PCDHGA7: variants seen among roughly 807,000 people sequenced by gnomAD.
PCDHGA7 encodes protocadherin gamma subfamily A, 7, also known as protocadherin gamma-A7.
A neutral mutation model predicts 58.3 loss-of-function variants in PCDHGA7; 44 were observed. The observed-to-expected ratio is 0.75, with a 90% confidence interval of 0.59 to 0.97. The LOEUF (loss-of-function observed/expected upper bound fraction) is 0.97, where lower values mean the gene tolerates loss of function less well. Ranked by LOEUF, PCDHGA7 falls within the 50% of genes least tolerant of loss-of-function variation. The probability of loss-of-function intolerance (pLI) is 0.00; values close to 1 mark genes in which losing one functional copy is unlikely to be tolerated. For synonymous variants in PCDHGA7, 516 were observed against 504.2 expected, an observed-to-expected ratio of 1.02 and a Z score of -0.31; for missense variants, 1,266 against 1,188.7, an observed-to-expected ratio of 1.06 and a Z score of -0.96.
chr5:141,415,863 G>A, intron 1 of PCDHGA7: 4 of 1,107,154 alleles, frequency 3.6e-6, no homozygotes, highest in Non-Finnish European at 4.7e-6. Flanking sequence ...GTAGTTTATA[G>A]TGTTGTTGAG....
At chr5:141,416,998 CAAAT>C (rs2096073182) in intron 1 of PCDHGA7, 1 of 150,816 alleles carries the variant, frequency 6.6e-6, no homozygotes, top group South Asian at 2.1e-4. Flanking sequence ...GCATTCATCT[CAAAT>C]AATTCTATTA....
chr5:141,391,293 A>G (rs1043661475), intron 1 of PCDHGA7: 15 of 151,834 alleles, frequency 9.9e-5, no homozygotes, highest in Admixed American at 3.3e-4. Context: ...AAAGAAGGAA[A>G]CGTCTTTCGA....
chr5:141,421,078 C>T (rs11575964), intron 1 of PCDHGA7: 20,754 of 627,892 alleles, frequency 0.033, 387 homozygotes, highest in Middle Eastern at 0.088. Context: ...GAGATGGATA[C>T]TCACAGATCC....
intron 1 of PCDHGA7, chr5:141,400,506 G>A (rs771674964): frequency 3.7e-6 from 6 of 1,613,830 alleles, no homozygotes; most frequent in Non-Finnish European, 5.1e-6. Context: ...CCAGCGAGTC[G>A]ACTTCCCATC....
chr5:141,505,182 C>T (rs1302018549), intron 2 of PCDHGA7, among the ~76,000 whole-genome samples: 2 of 152,094 alleles, frequency 1.3e-5, no homozygotes, highest in East Asian at 3.9e-4. Context: ...AAAAAAGCAT[C>T]GGAGGCAGCA....
Position 141,476,838 on chromosome 5 carries a change from C to T in PCDHGA7, c.2425-17969C>T, listed in dbSNP as rs1347278637. 2.5e-6 allele frequency: 4 copies of T among 1,613,496 alleles called. No individual in the cohort carries two copies. Among genetic ancestry groups the T allele is most frequent in the Non-Finnish European group, 3.4e-6 (4 of 1,180,054 alleles). ...AAGGTGCTGGACGCGAATGACAATG[C>T]GCCTGTCTTCAACCAGTCCTTGTAC... On this transcript the variant is annotated intron_variant, in intron 1 of 3. Transcript: ENST00000518325. This position sits in a 1 kb window ranked among gnomAD's most constrained non-coding sequence, Gnocchi z 7.6.
At chr5:141,442,629 A>G (rs959326665) in intron 1 of PCDHGA7, among the ~76,000 whole-genome samples, 2 of 152,248 alleles carry the variant, frequency 1.3e-5, no homozygotes, top group African/African-American at 4.8e-5. Context: ...TTCTAGCAGC[A>G]AGACCAAAGG....
rs1193465269 is a variant in PCDHGA7 at position 141,467,055 on chromosome 5, C to CT, written c.2425-27736dup. Among the ~76,000 whole-genome samples, 814 of 134,448 alleles carry CT rather than the reference C, an allele frequency of 6.1e-3. 10 individuals carry two copies. Among genetic ancestry groups the CT allele is most frequent in the African/African-American group, 0.018 (656 of 36,920 alleles). The allele number at this position is 134,448 out of a possible 152,430, so 88.2% of individuals were successfully genotyped here. A position where few individuals can be genotyped will look rare whatever the true frequency, so the allele number is the denominator to read the frequency against. Reference sequence around the variant, plus strand: ...TTTTTGTGTAATGAATCAATGTTTTCTTTTTTTTTTTTTTTTAGACCAAGT... The same window carrying CT: ...TTTTTGTGTAATGAATCAATGTTTTCTTTTTTTTTTTTTTTTTAGACCAAGT... On this transcript the variant is annotated intron_variant, in intron 1 of 3. Coordinates refer to ENST00000518325, the MANE Select transcript of PCDHGA7 (RefSeq NM_018920.4).
At chr5:141,451,561 C>T (rs1412657561) in intron 1 of PCDHGA7, among the ~76,000 whole-genome samples, 2 of 152,096 alleles carry the variant, frequency 1.3e-5, no homozygotes, top group Non-Finnish European at 2.9e-5. Flanking sequence ...ATGAAAGCCA[C>T]AATCTTTTTA....
In PCDHGA7 at chr5:141,421,624, A is replaced by G; in HGVS notation, c.2424+36301A>G. On this transcript the variant is annotated intron_variant, in intron 1 of 3. Transcript: ENST00000518325. ...AATAGATATTAATGATAACGCCCCC[A>G]GCTTCCAGGAGGACGAAGTGGAGAT... 2.5e-6 allele frequency: 4 copies of G among 1,613,872 alleles called. No homozygotes were observed. The South Asian group carries it at 3.3e-5, about 13-fold the overall frequency.
In PCDHGA7 at chr5:141,414,479, C is replaced by G. The variant is rs752879517; in HGVS notation, c.2424+29156C>G. The G allele has an allele frequency of 3.1e-6, 5 of 1,613,906 alleles. No homozygotes were observed. The highest frequency in any genetic ancestry group is 1.3e-5 in the African/African-American group (1 of 75,040). Reference sequence around the variant, plus strand: ...ACAGCCACAGATGGGGGAAGTCCTCCTCTATCAACGGAAGCTCACTTTATG... The same window carrying G: ...ACAGCCACAGATGGGGGAAGTCCTCGTCTATCAACGGAAGCTCACTTTATG... On this transcript the variant is annotated intron_variant, in intron 1 of 3. Coordinates refer to ENST00000518325, the MANE Select transcript of PCDHGA7 (RefSeq NM_018920.4).
At position 141,476,581 on chromosome 5, in the gene PCDHGA7, G is replaced by A. The variant is rs1393235114; in HGVS notation, c.2425-18226G>A. The A allele has an allele frequency of 5.0e-6, 8 of 1,614,230 alleles. No individual in the cohort carries two copies. The highest frequency in any genetic ancestry group is 6.8e-6 in the Non-Finnish European group (8 of 1,180,042). ...CCGTGGCTCCGGGGACGCGCTTTCC[G>A]CTCGAGAGCGCGCACGATCCCGATG... On this transcript the variant is annotated intron_variant, in intron 1 of 3. Transcript: ENST00000518325. This position sits in a 1 kb window ranked among gnomAD's most constrained non-coding sequence, Gnocchi z 7.6.
Position 141,486,682 on chromosome 5 carries a change from A to C in PCDHGA7, c.2425-8125A>C, listed in dbSNP as rs781547951. 1.4e-5 allele frequency: 22 copies of C among 1,614,064 alleles called. No individual in the cohort carries two copies. The African/African-American group carries it at 2.3e-4, about 17-fold the overall frequency. ...TGGAGCCCAGGAATCGAGATGTATC[A>C]GCTTCCTCTTTCATCTCTCTGAACC... On this transcript the variant is annotated intron_variant, in intron 1 of 3. Coordinates refer to ENST00000518325, the MANE Select transcript of PCDHGA7 (RefSeq NM_018920.4). The surrounding 1 kb of genome is among the most constrained non-coding windows in gnomAD (Gnocchi z 5.0).
chr5:141,494,491 T>C (rs2099754727), intron 1 of PCDHGA7, among the ~76,000 whole-genome samples: 1 of 152,150 alleles, frequency 6.6e-6, no homozygotes, highest in Admixed American at 6.5e-5. Context: ...AGAAGATGCC[T>C]TCAGTCCTTG....
intron 1 of PCDHGA7, chr5:141,419,910 C>A (rs539905795): frequency 1.9e-6 from 3 of 1,613,968 alleles, no homozygotes; most frequent in Non-Finnish European, 2.5e-6. Flanking sequence ...CCCTCTGACT[C>A]CCAGGCTGAG....
intron 1 of PCDHGA7, among the ~76,000 whole-genome samples, chr5:141,455,890 T>G (rs1055285369): frequency 1.3e-5 from 2 of 149,264 alleles, no homozygotes; most frequent in African/African-American, 2.4e-5. Flanking sequence ...TTTATTTATT[T>G]ATTTATTTAT....
chr5:141,419,551 C>T lies in PCDHGA7; in HGVS notation c.2424+34228C>T, dbSNP rs772468979. Reference sequence around the variant, plus strand: ...ACGACAACGCACCGCGGGTGCTGTACCCTGCGCTGGGTCCCGACGGCTCCG... The same window carrying T: ...ACGACAACGCACCGCGGGTGCTGTATCCTGCGCTGGGTCCCGACGGCTCCG... On this transcript the variant is annotated intron_variant, in intron 1 of 3. Transcript: ENST00000518325. 7 of 1,611,916 alleles carry T rather than the reference C, an allele frequency of 4.3e-6. No individual in the cohort carries two copies. The Admixed American group carries it at 1.2e-4, about 27-fold the overall frequency.
At position 141,383,504 on chromosome 5, in the gene PCDHGA7, G is replaced by C. The variant is rs373658496; in HGVS notation, c.605G>C (p.Arg202Pro). ...PELVLERVLD[R>P]EEERVHHLVL... ...CTGGTGCTGGAGCGGGTGCTGGACC[G>C]GGAGGAAGAGCGGGTTCACCACCTG... Residue 202 changes from arginine (R) to proline (P), a missense_variant, in exon 1 of 4, where the codon CGG becomes CCG. Arg to Pro is a moderately radical substitution (Grantham distance 103). Coordinates refer to ENST00000518325, the MANE Select transcript of PCDHGA7 (RefSeq NM_018920.4). The C allele has an allele frequency of 1.9e-5, 30 of 1,612,648 alleles. No individual in the cohort carries two copies. The East Asian group carries it at 3.6e-4, about 19-fold the overall frequency.
rs573088236 is a variant in PCDHGA7, at chr5:141,489,279, G to A, written c.2425-5528G>A. On this transcript the variant is annotated intron_variant, in intron 1 of 3. Coordinates refer to ENST00000518325, the MANE Select transcript of PCDHGA7 (RefSeq NM_018920.4). This position sits in a 1 kb window ranked among gnomAD's most constrained non-coding sequence, Gnocchi z 4.5. Reference sequence around the variant, plus strand: ...CACTCCCACAGCTCGCTGGGAAATGGCAAGTGCTGTGCATGTTGTCCTTGT... The same window carrying A: ...CACTCCCACAGCTCGCTGGGAAATGACAAGTGCTGTGCATGTTGTCCTTGT... The A allele has an allele frequency of 6.4e-7, 1 of 1,562,030 alleles. No individual in the cohort carries two copies. Among genetic ancestry groups the A allele is most frequent in the East Asian group, 2.2e-5 (1 of 44,522 alleles).
Sources: gnomAD v4.1 joint callset for allele counts (sites outside exome capture counted in the v4.1 genomes callset) on GRCh38, gnomAD v4.1.1 for gene constraint, Gnocchi (gnomAD v3.1) non-coding constraint, MANE v1.5 for transcripts, NCBI Gene and HGNC (gene_info 2026-07-23, HGNC 2026-07-21) for gene names.